The following EFNA5 variants were observed in gnomAD, a reference collection of about 807,000 sequenced individuals.
The protein encoded by EFNA5 is ephrin-A5.
In EFNA5, 5 loss-of-function variants were observed where a neutral mutation model predicts 22.9. That is an observed-to-expected ratio of 0.22 (90% CI 0.11 to 0.46). The LOEUF (loss-of-function observed/expected upper bound fraction) is 0.46, where lower values mean the gene tolerates loss of function less well. Ranked by LOEUF, EFNA5 falls within the 20% of genes least tolerant of loss-of-function variation. The pLI, the probability that EFNA5 is intolerant of heterozygous loss-of-function variation, is 0.99. For missense variants in EFNA5, 237 were observed against 293.3 expected, an observed-to-expected ratio of 0.81 and a Z score of 1.40; for synonymous variants, 113 against 112.2, an observed-to-expected ratio of 1.01 and a Z score of -0.04.
At chr5:107,517,195 T>C (rs567698798) in intron 1 of EFNA5, among the ~76,000 whole-genome samples, 2 of 151,968 alleles carry the variant, frequency 1.3e-5, no homozygotes, top group African/African-American at 4.8e-5. Context: ...CCAGTATTTA[T>C]AAAAGCTTAC....
At chr5:107,461,170 C>A (rs192476546) in intron 1 of EFNA5, among the ~76,000 whole-genome samples, 4 of 151,988 alleles carry the variant, frequency 2.6e-5, no homozygotes, top group Non-Finnish European at 5.9e-5. Context: ...TTCCAGGAGA[C>A]CTTGAAACTC....
At chr5:107,525,296 A>G (rs644289) in intron 1 of EFNA5, among the ~76,000 whole-genome samples, 1,548 of 152,280 alleles carry the variant, frequency 0.01, 24 homozygotes, top group African/African-American at 0.036. Context: ...GTGTGTGTAT[A>G]TATGTATATA....
At chr5:107,546,647 G>A (rs342606) in intron 1 of EFNA5, among the ~76,000 whole-genome samples, 23,867 of 128,834 alleles carry the variant, frequency 0.19, 2,095 homozygotes, top group Middle Eastern at 0.34. Flanking sequence ...TTTCTGGTGC[G>A]TAAAACACAC....
intron 1 of EFNA5, among the ~76,000 whole-genome samples, chr5:107,432,126 T>C (rs1314229659): frequency 6.6e-6 from 1 of 152,236 alleles, no homozygotes; most frequent in Non-Finnish European, 1.5e-5. Flanking sequence ...CCATGAGGTT[T>C]GTCCCAAACT....
intron 1 of EFNA5, among the ~76,000 whole-genome samples, chr5:107,513,121 A>G (rs1747407086): frequency 6.6e-6 from 1 of 152,124 alleles, no homozygotes; most frequent in Admixed American, 6.5e-5. Context: ...CTGCCTTGGC[A>G]CCATGCCTCT....
At chr5:107,465,564 G>A (rs901063632) in intron 1 of EFNA5, among the ~76,000 whole-genome samples, 4 of 152,144 alleles carry the variant, frequency 2.6e-5, no homozygotes, top group African/African-American at 9.7e-5. Context: ...ATGACAGTTA[G>A]CTTCTGAGAA....
chr5:107,533,460 CT>C (rs1303046677), intron 1 of EFNA5, among the ~76,000 whole-genome samples: 7 of 152,158 alleles, frequency 4.6e-5, no homozygotes, highest in Non-Finnish European at 7.3e-5. Context: ...AACTATAATA[CT>C]TTTCAAACCT....
In EFNA5 at chr5:107,669,968, A is replaced by C. The variant is rs1474906889; in HGVS notation, c.125+521T>G. On this transcript the variant is annotated intron_variant, in intron 1 of 4. Transcript: ENST00000333274. ...AAGCTTCCGCTTCCCAGCCCCCCTCACTTCCCCCAGCCCGTGCGCTCTCTC... is the reference window on the plus strand; with the variant it reads ...AAGCTTCCGCTTCCCAGCCCCCCTCCCTTCCCCCAGCCCGTGCGCTCTCTC... Among the ~76,000 whole-genome samples the C allele has an allele frequency of 2.0e-4, 29 of 143,678 alleles. No individual in the cohort carries two copies. In the Admixed American group the frequency reaches 2.1e-3, roughly 10 times the overall value. The allele number at this position is 143,678 out of a possible 152,430, so 94.3% of individuals were successfully genotyped here. A position where few individuals can be genotyped will look rare whatever the true frequency, so the allele number is the denominator to read the frequency against.
chr5:107,551,433 A>G (rs1561430351), intron 1 of EFNA5, among the ~76,000 whole-genome samples: 1 of 152,146 alleles, frequency 6.6e-6, no homozygotes, highest in Non-Finnish European at 1.5e-5. Flanking sequence ...TTTTCAGAGT[A>G]GTTTTACACG....
intron 1 of EFNA5, among the ~76,000 whole-genome samples, chr5:107,574,575 T>C (rs1009987920): frequency 6.6e-6 from 1 of 152,202 alleles, no homozygotes; most frequent in African/African-American, 2.4e-5. Flanking sequence ...GGAAAAACTA[T>C]AAAGGCCAAT....
intron 1 of EFNA5, among the ~76,000 whole-genome samples, chr5:107,491,161 TG>T (rs1328394252): frequency 6.6e-6 from 1 of 152,238 alleles, no homozygotes; most frequent in Non-Finnish European, 1.5e-5. Context: ...GACATAGGCT[TG>T]CTTTTCCATG....
chr5:107,482,826 GTCTCTGTC>G (rs1750511679), intron 1 of EFNA5, among the ~76,000 whole-genome samples: 14 of 65,026 alleles, frequency 2.2e-4, no homozygotes, highest in Admixed American at 1.5e-3. Context: ...CTCTCTCTCT[GTCTCTGTC>G]TCTCTCTCTC....
intron 1 of EFNA5, among the ~76,000 whole-genome samples, chr5:107,476,611 A>G (rs1183983608): frequency 2.0e-5 from 3 of 152,138 alleles, no homozygotes; most frequent in Admixed American, 6.5e-5. Context: ...GAAACATTTC[A>G]TTAGCTTTCT....
chr5:107,455,086 C>T (rs1580462415), intron 1 of EFNA5, among the ~76,000 whole-genome samples: 1 of 152,292 alleles, frequency 6.6e-6, no homozygotes, highest in East Asian at 1.9e-4. Flanking sequence ...CCAAATGTAA[C>T]TGTCAGTCAG....
intron 2 of EFNA5, among the ~76,000 whole-genome samples, chr5:107,414,571 T>A (rs1228158553): frequency 6.6e-6 from 1 of 152,114 alleles, no homozygotes; most frequent in Non-Finnish European, 1.5e-5. Context: ...CTGAAGTGTG[T>A]CCTTCTATAG....
intron 2 of EFNA5, among the ~76,000 whole-genome samples, chr5:107,394,805 A>G (rs888205714): frequency 5.9e-5 from 9 of 152,198 alleles, no homozygotes; most frequent in Admixed American, 6.5e-5. Context: ...ATTTCTAGGA[A>G]TACTCCAATA....
chr5:107,477,025 TGTGCTAG>T (rs1467296505), intron 1 of EFNA5, among the ~76,000 whole-genome samples: 9 of 152,334 alleles, frequency 5.9e-5, no homozygotes, highest in African/African-American at 1.9e-4. Flanking sequence ...TGTATCACTA[TGTGCTAG>T]GTGCTGCTGG....
intron 1 of EFNA5, among the ~76,000 whole-genome samples, chr5:107,614,168 C>T (rs943385967): frequency 4.6e-5 from 7 of 152,104 alleles, no homozygotes; most frequent in Non-Finnish European, 7.4e-5. Context: ...ACGGATAATA[C>T]TTCTTGCTGG....
intron 1 of EFNA5, among the ~76,000 whole-genome samples, chr5:107,479,572 T>C (rs1157226404): frequency 6.6e-6 from 1 of 152,154 alleles, no homozygotes; most frequent in African/African-American, 2.4e-5. Flanking sequence ...AGGGAGCCAC[T>C]CATTGCCACT....
Sources: allele counts gnomAD v4.1 joint callset (sites outside exome capture counted in the v4.1 genomes callset), GRCh38; gene constraint gnomAD v4.1.1; transcripts MANE v1.5; gene names NCBI Gene and HGNC (gene_info 2026-07-23, HGNC 2026-07-21).